Variants in PRKN observed in about 807,000 individuals in gnomAD.
PRKN encodes the protein E3 ubiquitin-protein ligase parkin.
In PRKN, 56 loss-of-function variants were observed where a neutral mutation model predicts 59.5. That is an observed-to-expected ratio of 0.94 (90% confidence interval 0.76 to 1.18). The LOEUF (loss-of-function observed/expected upper bound fraction) is 1.18. Among genes scored for constraint, PRKN ranks in the 50% most tolerant of loss-of-function variants. The probability of loss-of-function intolerance (pLI) is 0.00; values close to 1 mark genes in which losing one functional copy is unlikely to be tolerated. For missense variants in PRKN, 657 were observed against 596.4 expected (o/e 1.10, Z -1.06); for synonymous variants, 250 against 222.1 (o/e 1.13, Z -1.12).
chr6:161,619,400 G>GT (rs1202622245), intron 7 of PRKN, among the ~76,000 whole-genome samples: 2 of 150,052 alleles, frequency 1.3e-5, no homozygotes, highest in Non-Finnish European at 1.5e-5. Context: ...TACAGCAGAA[G>GT]TTTTTTATTT....
At position 161,572,577 on chromosome 6, in the gene PRKN, T is replaced by C. The variant is rs372255510; in HGVS notation, c.872-3161A>G. ...TGTGAGGCTGAGGCAGGAGAATCGC[T>C]TGAACCTGGGAGGCAGAGGTTGTGG... On this transcript the variant is annotated intron_variant, in intron 7 of 11. Coordinates refer to ENST00000366898, the MANE Select transcript of PRKN (RefSeq NM_004562.3). Among the ~76,000 whole-genome samples the C allele has an allele frequency of 3.0e-3, 462 of 152,242 alleles. 2 individuals carry two copies. The highest frequency in any genetic ancestry group is 0.011 in the African/African-American group (443 of 41,518).
chr6:162,727,315 A>AGGTGAGGGGCGGCGGCGGGGCGCG, intron 1 of PRKN: 1 of 347,814 alleles, frequency 2.9e-6, no homozygotes, highest in Non-Finnish European at 5.2e-6. Context: ...GGCGGGGCGA[A>AGGTGAGGGGCGGCGGCGGGGCGCG]GGTGAGGGGC....
intron 7 of PRKN, among the ~76,000 whole-genome samples, chr6:161,700,910 T>G (rs1786224869): frequency 6.6e-6 from 1 of 152,232 alleles, no homozygotes; most frequent in Non-Finnish European, 1.5e-5. Context: ...TTTCAAATTA[T>G]GTAGGCTGGT....
intron 7 of PRKN, among the ~76,000 whole-genome samples, chr6:161,616,352 T>C (rs941763930): frequency 1.3e-5 from 2 of 151,830 alleles, no homozygotes. Flanking sequence ...GAAGGGAAAA[T>C]TAGTGTGTAA....
At chr6:161,512,299 C>G (rs200427420) in intron 9 of PRKN, among the ~76,000 whole-genome samples, 17 of 152,124 alleles carry the variant, frequency 1.1e-4, no homozygotes, top group African/African-American at 3.6e-4. Flanking sequence ...ATGACCCCCC[C>G]CTGAAAATCA....
chr6:161,615,819 G>T (rs572464072), intron 7 of PRKN, among the ~76,000 whole-genome samples: 1 of 152,206 alleles, frequency 6.6e-6, no homozygotes, highest in Non-Finnish European at 1.5e-5. Flanking sequence ...TGAAGCAAAG[G>T]GGGAGAGAAC....
At chr6:161,368,612 A>C (rs984935014) in intron 10 of PRKN, among the ~76,000 whole-genome samples, 4 of 151,550 alleles carry the variant, frequency 2.6e-5, no homozygotes, top group Non-Finnish European at 5.9e-5. Context: ...TGTGGTAAAG[A>C]CAGTGGGAGA....
intron 9 of PRKN, among the ~76,000 whole-genome samples, chr6:161,406,718 G>A (rs1205991842): frequency 6.6e-6 from 1 of 152,144 alleles, no homozygotes; most frequent in Non-Finnish European, 1.5e-5. Context: ...CTCTCTTTGT[G>A]TTCAGTGATG....
intron 9 of PRKN, among the ~76,000 whole-genome samples, chr6:161,531,620 T>C (rs961941166): frequency 2.3e-4 from 35 of 152,134 alleles, no homozygotes; most frequent in African/African-American, 8.0e-4. Context: ...TTAGGGGGCT[T>C]GTACGTGTGA....
At chr6:162,110,595 G>A (rs1780388545) in intron 4 of PRKN, among the ~76,000 whole-genome samples, 1 of 152,160 alleles carries the variant, frequency 6.6e-6, no homozygotes, top group Non-Finnish European at 1.5e-5. Context: ...AAATAGAAAT[G>A]AATCCTTAAA....
chr6:162,681,890 C>G (rs949036194), intron 1 of PRKN, among the ~76,000 whole-genome samples: 2 of 151,570 alleles, frequency 1.3e-5, no homozygotes, highest in Non-Finnish European at 2.9e-5. Flanking sequence ...TTCAATAAAT[C>G]TCTGCTTTTG....
chr6:162,628,734 T>A (rs1321512087), intron 1 of PRKN, among the ~76,000 whole-genome samples: 1 of 152,148 alleles, frequency 6.6e-6, no homozygotes, highest in Non-Finnish European at 1.5e-5. Context: ...ATTGCATTAT[T>A]TTCAAGCACT....
In PRKN at chr6:161,352,517, T is replaced by C. The variant is rs1784588197; in HGVS notation, c.1286-2306A>G. 6.6e-6 allele frequency among the ~76,000 whole-genome samples: 1 copy of C among 151,832 alleles called. No homozygotes were observed. Among genetic ancestry groups the C allele is most frequent in the Admixed American group, 6.6e-5 (1 of 15,206 alleles). On this transcript the variant is annotated intron_variant, in intron 11 of 11. Coordinates refer to ENST00000366898, the MANE Select transcript of PRKN (RefSeq NM_004562.3). The surrounding 1 kb of genome is among the most constrained non-coding windows in gnomAD (Gnocchi z 5.8). ...ATATGGTGTGACATTATAAAACCAC[T>C]TGTTTCTCTAAAATATCATAAATAT...
intron 5 of PRKN, among the ~76,000 whole-genome samples, chr6:162,003,928 T>C (rs755425202): frequency 3.3e-5 from 5 of 152,212 alleles, no homozygotes; most frequent in Non-Finnish European, 7.3e-5. Context: ...ATTATGGATT[T>C]GTCTTTTTAT....
At position 161,973,383 on chromosome 6, in the gene PRKN, G is replaced by C. The variant is rs781443859; in HGVS notation, c.653C>G (p.Ser218Cys). 1.2e-6 allele frequency: 2 copies of C among 1,613,514 alleles called. No individual in the cohort carries two copies. The highest frequency in any genetic ancestry group is 2.2e-5 in the South Asian group (2 of 91,068). Residue 218 changes from serine to cysteine, a missense_variant, in exon 6 of 12, where the codon TCT becomes TGT. Physicochemically the swap from Ser to Cys is moderately radical, Grantham distance 112. Transcript: ENST00000366898. ...CAAAGCTACTGATGTTTCCTTGTCA[G>C]AGGTGGGGTGTGCTCCACATTTAAA... ...FFFKCGAHPT[S>C]DKETSVALHL... is the part of the protein sequence containing the mutation.
intron 1 of PRKN, among the ~76,000 whole-genome samples, chr6:162,584,666 C>A (rs1311706946): frequency 1.3e-5 from 2 of 152,026 alleles, no homozygotes; most frequent in African/African-American, 2.4e-5. Context: ...GTGGGCATAT[C>A]CTATAAATGG....
At chr6:162,304,530 TCTA>T (rs879753162) in intron 2 of PRKN, among the ~76,000 whole-genome samples, 5,983 of 149,798 alleles carry the variant, frequency 0.04, 396 homozygotes, top group African/African-American at 0.083. Context: ...TATCTATCTA[TCTA>T]TCTATCTATC....
chr6:161,646,341 G>A (rs1352498295), intron 7 of PRKN, among the ~76,000 whole-genome samples: 1 of 111,146 alleles, frequency 9.0e-6, no homozygotes, highest in Non-Finnish European at 1.8e-5. Flanking sequence ...GTGTGCGTGC[G>A]TGGCGGAGGA....
At chr6:161,573,530 C>T (rs1198804433) in intron 7 of PRKN, among the ~76,000 whole-genome samples, 1 of 150,458 alleles carries the variant, frequency 6.6e-6, no homozygotes, top group Admixed American at 6.6e-5. Context: ...ACCATCGTGG[C>T]TAATACAGTG....
Sources: gnomAD v4.1 joint callset for allele counts (sites outside exome capture counted in the v4.1 genomes callset) on GRCh38, gnomAD v4.1.1 for gene constraint, Gnocchi (gnomAD v3.1) non-coding constraint, MANE v1.5 for transcripts, NCBI Gene and HGNC (gene_info 2026-07-23, HGNC 2026-07-21) for gene names.